The following SPACA6 variants were observed in gnomAD, a reference collection of about 807,000 sequenced individuals.
SPACA6 encodes the protein sperm acrosome associated 6, also known as sperm acrosome membrane-associated protein 6.
For missense variants in SPACA6, 8 were observed against 2.8 expected, an observed-to-expected ratio of 2.88 and a Z score of -1.34; for synonymous variants, 6 against 1.5, an observed-to-expected ratio of 4.05 and a Z score of -2.21.
At chr19:51,705,900 T>A (rs2083513788), downstream of SPACA6, among the ~76,000 whole-genome samples, 1 of 152,100 alleles carries the variant, frequency 6.6e-6, no homozygotes, top group Non-Finnish European at 1.5e-5. Flanking sequence ...TTTCACCATG[T>A]GGCCAGGCTG....
downstream of SPACA6, among the ~76,000 whole-genome samples, chr19:51,706,847 C>G (rs2083518327): frequency 6.6e-6 from 1 of 152,140 alleles, no homozygotes; most frequent in South Asian, 2.1e-4. Flanking sequence ...TTGGAAGAGA[C>G]AGGGTTTCGC....
downstream of SPACA6, among the ~76,000 whole-genome samples, chr19:51,707,927 A>G (rs1243057752): frequency 1.3e-5 from 2 of 152,252 alleles, no homozygotes; most frequent in Admixed American, 6.5e-5. Flanking sequence ...TTCTGTCTCC[A>G]TGGGAGCTGG....
At chr19:51,699,678 T>A (rs1007164686) in intron 2 of SPACA6, among the ~76,000 whole-genome samples, 5 of 152,090 alleles carry the variant, frequency 3.3e-5, no homozygotes, top group African/African-American at 1.2e-4. Context: ...CCTCTTCTCA[T>A]AAGGACACCA....
chr19:51,697,013 C>T (rs184838552), intron 2 of SPACA6, among the ~76,000 whole-genome samples: 49 of 152,230 alleles, frequency 3.2e-4, no homozygotes, highest in Non-Finnish European at 5.1e-4. Flanking sequence ...ATCAGAATCC[C>T]CTGGGAGCTT....
At chr19:51,685,308 A>G (rs1388973118), upstream of SPACA6, 1 of 152,184 alleles carries the variant, frequency 6.6e-6, no homozygotes, top group African/African-American at 2.4e-5. Context: ...ACTGATAAAG[A>G]TGGTGATATA....
Position 51,700,149 on chromosome 19 carries a change from G to A in SPACA6, c.293-1509G>A, listed in dbSNP as rs113667866. ...GGTGCCTGTAATCCTAGCTACTGGG[G>A]AGGCTGAGGCAGGAGAATCACTTGA... On this transcript the variant is annotated intron_variant, in intron 2 of 8. Coordinates refer to ENST00000637797, the MANE Select transcript of SPACA6 (RefSeq NM_001316972.2). Among the ~76,000 whole-genome samples the A allele has an allele frequency of 9.6e-3, 1,457 of 152,264 alleles. 25 individuals are homozygous for A. The highest frequency in any genetic ancestry group is 0.034 in the African/African-American group (1,395 of 41,530).
At chr19:51,688,926 A>G (rs1568612320), upstream of SPACA6, among the ~76,000 whole-genome samples, 4 of 84,942 alleles carry the variant, frequency 4.7e-5, no homozygotes, top group Non-Finnish European at 7.1e-5. Flanking sequence ...AGAGAACGAG[A>G]GAGAAGGGAG....
In SPACA6 at chr19:51,694,465, C is replaced by G. The variant is rs2083408612; in HGVS notation, c.215-13C>G. ...CTGCCTCCCCCAGCCCCTGCTCCCT[C>G]CCTCACCGCCAGACTATGATGAGAG... On this transcript the variant is annotated splice_polypyrimidine_tract_variant and intron_variant, in intron 1 of 8. Transcript: ENST00000637797. 1 of 399,544 alleles carries G rather than the reference C, an allele frequency of 2.5e-6. No homozygotes were observed. The highest frequency in any genetic ancestry group is 1.3e-4 in the South Asian group (1 of 7,912). The allele number at this position is 399,544 out of a possible 1,614,324, so 24.7% of individuals were successfully genotyped here.
chr19:51,696,209 G>A (rs77656775), intron 2 of SPACA6, among the ~76,000 whole-genome samples: 3,448 of 152,214 alleles, frequency 0.023, 124 homozygotes, highest in African/African-American at 0.077. Context: ...ATGGACCAGA[G>A]GGAGAGTCTG....
chr19:51,704,959 CT>C (rs562045936), intron 8 of SPACA6, 130 bp from the exon 9 acceptor site: 171 of 392,566 alleles, frequency 4.4e-4, no homozygotes, highest in African/African-American at 3.5e-3. Context: ...CCCAGGCCCC[CT>C]GCCCCCTCCT....
downstream of SPACA6, chr19:51,712,483 T>C (rs1314264310): frequency 6.6e-6 from 1 of 152,364 alleles, no homozygotes; most frequent in African/African-American, 2.4e-5. Flanking sequence ...AACAATATGT[T>C]CAGATGCTGA....
chr19:51,700,536 C>G (rs140491133), intron 2 of SPACA6, among the ~76,000 whole-genome samples: 1 of 152,140 alleles, frequency 6.6e-6, no homozygotes, highest in Non-Finnish European at 1.5e-5. Context: ...ACTTTCCAGG[C>G]CAAATATAAC....
chr19:51,704,958 C>T, intron 8 of SPACA6, 132 bp from the exon 9 acceptor site: 2 of 396,744 alleles, frequency 5.0e-6, no homozygotes, highest in Non-Finnish European at 8.9e-6. Context: ...GCCCAGGCCC[C>T]CTGCCCCCTC....
chr19:51,701,755 A>G, intron 3 of SPACA6, 29 bp downstream of exon 3: 1 of 398,022 alleles, frequency 2.5e-6, no homozygotes. Flanking sequence ...CTCCTTCCCC[A>G]GACACACACA....
chr19:51,691,501 T>C (rs1283077612), upstream of SPACA6, among the ~76,000 whole-genome samples: 4 of 125,216 alleles, frequency 3.2e-5, no homozygotes, highest in African/African-American at 9.4e-5. Context: ...AGACAGAAGG[T>C]AGAGGAAAAG....
chr19:51,712,908 C>A (rs186898017), downstream of SPACA6, among the ~76,000 whole-genome samples: 32 of 152,154 alleles, frequency 2.1e-4, no homozygotes, highest in East Asian at 5.6e-3. Context: ...GGTAAGTACC[C>A]GTGAATGAGT....
chr19:51,709,852 G>T (rs1441312241), downstream of SPACA6, among the ~76,000 whole-genome samples: 1 of 152,176 alleles, frequency 6.6e-6, no homozygotes, highest in Non-Finnish European at 1.5e-5. Flanking sequence ...GGTAGAATCA[G>T]TGGGATTTGC....
At chr19:51,695,265 G>A (rs1415503593) in intron 2 of SPACA6, among the ~76,000 whole-genome samples, 2 of 152,200 alleles carry the variant, frequency 1.3e-5, no homozygotes, top group South Asian at 2.1e-4. Flanking sequence ...AGAGACCTCA[G>A]GGCTGGGGGC....
chr19:51,694,177 G>A (rs2083404847), intron 1 of SPACA6: 1 of 312,984 alleles, frequency 3.2e-6, no homozygotes, highest in Non-Finnish European at 5.8e-6. Flanking sequence ...CCAGAGAGGG[G>A]AGGATGGAGA....
Sources: allele counts gnomAD v4.1 joint callset (sites outside exome capture counted in the v4.1 genomes callset), GRCh38; gene constraint gnomAD v4.1.1; transcripts MANE v1.5; gene names NCBI Gene and HGNC (gene_info 2026-07-23, HGNC 2026-07-21).